Variants in FOXN2 observed in about 807,000 individuals in gnomAD.
FOXN2 encodes the protein forkhead box N2.
In FOXN2, 19 loss-of-function variants were observed where a neutral mutation model predicts 41.2. The ratio of observed to expected loss-of-function variants is 0.46; its 90% CI spans 0.32 to 0.68. The LOEUF (loss-of-function observed/expected upper bound fraction) is 0.68, where lower values mean the gene tolerates loss of function less well. Ranked by LOEUF, FOXN2 falls within the 30% of genes least tolerant of loss-of-function variation. FOXN2 has a pLI of 0.03. For missense variants in FOXN2, 587 were observed against 509.4 expected (o/e 1.15, Z -1.47); for synonymous variants, 195 against 176.8 (o/e 1.10, Z -0.82).
intron 5 of FOXN2, among the ~76,000 whole-genome samples, chr2:48,371,241 C>T (rs1572780725): frequency 6.6e-6 from 1 of 152,038 alleles, no homozygotes; most frequent in Non-Finnish European, 1.5e-5. Context: ...CTACTAAAAA[C>T]ACAAAAATTA....
intron 1 of FOXN2, among the ~76,000 whole-genome samples, chr2:48,317,549 A>G (rs957072292): frequency 6.7e-6 from 1 of 150,236 alleles, no homozygotes; most frequent in African/African-American, 2.5e-5. Flanking sequence ...TGTGACTTCA[A>G]AATTAATACT....
intron 3 of FOXN2, among the ~76,000 whole-genome samples, chr2:48,353,707 C>G (rs1022069596): frequency 6.6e-6 from 1 of 151,830 alleles, no homozygotes; most frequent in African/African-American, 2.4e-5. Context: ...TGTGGATGAA[C>G]ATTTGGGTTT....
intron 5 of FOXN2, among the ~76,000 whole-genome samples, chr2:48,366,845 C>G (rs552624553): frequency 2.0e-5 from 3 of 151,672 alleles, no homozygotes; most frequent in East Asian, 3.9e-4. Flanking sequence ...ATAAGTGGCA[C>G]TGGGAGACCT....
chr2:48,315,084 T>G (rs1292423289), intron 1 of FOXN2, among the ~76,000 whole-genome samples: 1 of 151,896 alleles, frequency 6.6e-6, no homozygotes, highest in South Asian at 2.1e-4. Flanking sequence ...GAGTTTTTCC[T>G]GAGAGGTAAT....
chr2:48,341,086 G>A (rs1250088458), intron 2 of FOXN2, among the ~76,000 whole-genome samples: 2 of 151,752 alleles, frequency 1.3e-5, no homozygotes, highest in Non-Finnish European at 2.9e-5. Context: ...TTTTTTTTGA[G>A]TAATATTTGT....
intron 5 of FOXN2, among the ~76,000 whole-genome samples, chr2:48,365,375 T>C (rs1467602025): frequency 6.6e-6 from 1 of 152,246 alleles, no homozygotes; most frequent in African/African-American, 2.4e-5. Context: ...CATTTAGGTA[T>C]TGCCAAAATG....
chr2:48,350,933 C>T (rs1014094543), intron 3 of FOXN2, among the ~76,000 whole-genome samples: 2 of 152,150 alleles, frequency 1.3e-5, no homozygotes, highest in African/African-American at 2.4e-5. Context: ...TATGTTACAT[C>T]TCACCTCACA....
At chr2:48,335,823 A>G (rs1386008000) in intron 2 of FOXN2, among the ~76,000 whole-genome samples, 5 of 149,776 alleles carry the variant, frequency 3.3e-5, no homozygotes, top group Non-Finnish European at 5.9e-5. Context: ...GTCAGGAAAT[A>G]GAGACCATCC....
At chr2:48,325,844 CTTT>C (rs959535701) in intron 1 of FOXN2, among the ~76,000 whole-genome samples, 2 of 102,930 alleles carry the variant, frequency 1.9e-5, no homozygotes, top group African/African-American at 7.3e-5. Flanking sequence ...CTCAAGATTT[CTTT>C]TTTTTTTTTT....
chr2:48,346,181 A>G lies in FOXN2; in HGVS notation c.-14-20A>G. On this transcript the variant is annotated intron_variant, in intron 2 of 6. Coordinates refer to ENST00000340553, the MANE Select transcript of FOXN2 (RefSeq NM_002158.4). ...TAAGAATCTAAAGTATTACATTGATAATTGTTTCCTTTGTTGCAGAACTGT... is the reference window on the plus strand; with the variant it reads ...TAAGAATCTAAAGTATTACATTGATGATTGTTTCCTTTGTTGCAGAACTGT... 6.5e-7 allele frequency: 1 copy of G among 1,540,888 alleles called. No homozygotes were observed. Among genetic ancestry groups the G allele is most frequent in the South Asian group, 1.2e-5 (1 of 80,294 alleles).
chr2:48,371,447 A>G (rs373197115), intron 5 of FOXN2, among the ~76,000 whole-genome samples: 63 of 151,864 alleles, frequency 4.1e-4, no homozygotes, highest in African/African-American at 1.4e-3. Flanking sequence ...CAGGTTCTCT[A>G]TTCTGTTCCA....
Position 48,362,710 on chromosome 2 carries a change from A to G in FOXN2, c.703+3A>G. 6.2e-7 allele frequency: 1 copy of G among 1,610,672 alleles called. No individual in the cohort carries two copies. The highest frequency in any genetic ancestry group is 8.5e-7 in the Non-Finnish European group (1 of 1,176,876). On this transcript the variant is annotated splice_donor_region_variant and intron_variant, in intron 5 of 6. Coordinates refer to ENST00000340553, the MANE Select transcript of FOXN2 (RefSeq NM_002158.4). ...GAACCAGGTGCGAAACCTCAAAGGT[A>G]TGTGTGAATATCAGTACAGTCATGC... is the stretch of plus-strand genomic sequence containing the variant.
chr2:48,331,370 T>G (rs1670011202), intron 2 of FOXN2, among the ~76,000 whole-genome samples: 1 of 152,138 alleles, frequency 6.6e-6, no homozygotes, highest in Non-Finnish European at 1.5e-5. Context: ...TAGAAACAAT[T>G]AAAATTGAAA....
chr2:48,358,683 C>G (rs532722824), intron 3 of FOXN2, among the ~76,000 whole-genome samples: 2 of 151,914 alleles, frequency 1.3e-5, no homozygotes, highest in Admixed American at 1.3e-4. Context: ...ATTTGATACA[C>G]GCAAAAAGGA....
At chr2:48,343,444 A>G (rs1670896471) in intron 2 of FOXN2, among the ~76,000 whole-genome samples, 2 of 152,160 alleles carry the variant, frequency 1.3e-5, no homozygotes, top group Non-Finnish European at 2.9e-5. Context: ...GAAAAGATTC[A>G]TTAGGAATGC....
intron 3 of FOXN2, among the ~76,000 whole-genome samples, chr2:48,349,562 T>C (rs553287582): frequency 2.1e-4 from 32 of 152,004 alleles, no homozygotes; most frequent in African/African-American, 7.2e-4. Flanking sequence ...TCACCTGAGG[T>C]TGGGAGTTCA....
chr2:48,355,268 G>A (rs916772993), intron 3 of FOXN2, among the ~76,000 whole-genome samples: 1 of 152,122 alleles, frequency 6.6e-6, no homozygotes. Context: ...TCAGAGAAAG[G>A]AAGAAATTAA....
rs148350961 is a variant in FOXN2 at position 48,341,580 on chromosome 2, G to A, written c.-14-4621G>A. On this transcript the variant is annotated intron_variant, in intron 2 of 6. Coordinates refer to ENST00000340553, the MANE Select transcript of FOXN2 (RefSeq NM_002158.4). ...TAAAAAGAACATGAACACTGTGCAA[G>A]GAAGGGTTGAAGCTACAGGATGATG... Among the ~76,000 whole-genome samples the A allele has an allele frequency of 9.3e-4, 142 of 152,334 alleles. 3 individuals are homozygous for A. In the East Asian group the frequency reaches 0.026, roughly 28 times the overall value.
intron 1 of FOXN2, among the ~76,000 whole-genome samples, chr2:48,316,639 A>G (rs1429284952): frequency 2.6e-5 from 4 of 152,198 alleles, no homozygotes; most frequent in African/African-American, 7.2e-5. Flanking sequence ...AATGAAATAT[A>G]ATTTTTAGAA....
Sources: gnomAD v4.1 joint callset for allele counts (sites outside exome capture counted in the v4.1 genomes callset) on GRCh38, gnomAD v4.1.1 for gene constraint, MANE v1.5 for transcripts, NCBI Gene and HGNC (gene_info 2026-07-23, HGNC 2026-07-21) for gene names.